The following BICRAL variants were observed in gnomAD, a reference collection of about 807,000 sequenced individuals.
BICRAL encodes BICRA like chromatin remodeling complex associated protein.
In BICRAL, 8 loss-of-function variants were observed where a neutral mutation model predicts 91.8. The observed-to-expected ratio is 0.09, with a 90% CI of 0.05 to 0.16. The LOEUF is 0.16. Ranked by LOEUF, BICRAL falls within the 10% of genes least tolerant of loss-of-function variation. The probability of loss-of-function intolerance (pLI) is 1.00; values close to 1 mark genes in which losing one functional copy is unlikely to be tolerated. For synonymous variants in BICRAL, 445 were observed against 491.1 expected (o/e 0.91, Z 1.24); for missense variants, 1,038 against 1,310.9 (o/e 0.79, Z 3.21).
intron 1 of BICRAL, among the ~76,000 whole-genome samples, chr6:42,754,176 T>C (rs1480075860): frequency 6.8e-6 from 1 of 147,076 alleles, no homozygotes; most frequent in African/African-American, 2.5e-5. Flanking sequence ...TACAGAAACT[T>C]TTTTTTTTTT....
chr6:42,835,274 G>A (rs559696192), intron 6 of BICRAL, among the ~76,000 whole-genome samples: 12 of 151,914 alleles, frequency 7.9e-5, no homozygotes, highest in African/African-American at 2.7e-4. Context: ...GATTACAGGC[G>A]TGCGCCACCA....
In BICRAL at chr6:42,866,582, C is replaced by T. The variant is rs1486459888; in HGVS notation, c.*1136C>T. ...TCTTGTCTGAGAACAGTAGTGACCC[C>T]TGGCAGCAATTCATTACCAAAACAC... On this transcript the variant is annotated 3_prime_UTR_variant, in exon 13 of 13. Coordinates refer to ENST00000314073, the MANE Select transcript of BICRAL (RefSeq NM_001393499.1). 3.1e-6 allele frequency: 1 copy of T among 321,954 alleles called. No homozygotes were observed. Among genetic ancestry groups the T allele is most frequent in the East Asian group, 7.7e-5 (1 of 12,960 alleles). 19.9% of individuals were successfully genotyped at this position (321,954 alleles called of 1,614,324 possible). A position where few individuals can be genotyped will look rare whatever the true frequency, so the allele number is the denominator to read the frequency against.
rs774571075 is a variant in BICRAL at position 42,865,374 on chromosome 6, G to A, written c.3168G>A (p.Pro1056=). 29 of 1,613,250 alleles carry A rather than the reference G, an allele frequency of 1.8e-5. No individual in the cohort carries two copies. The highest frequency in any genetic ancestry group is 7.7e-5 in the South Asian group (7 of 91,072). ...AAAACTGCCTGGAAAAGTTCATCCC[G>A]GACCACAGTGAAGGTGTTGTAGAAA... ...SQENCLEKFI[P]DHSEGVVETD... Residue 1056 remains proline (P), a synonymous_variant, in exon 13 of 13, where the codon CCG becomes CCA. Transcript: ENST00000314073.
chr6:42,782,011 C>CG (rs756640990), upstream of BICRAL: 146,951 of 147,002 alleles, frequency 1, 73,463 homozygotes, highest in Middle Eastern at 1. Context: ...CGCGCTCCGG[C>CG]CCCCGGCCCC....
intron 1 of BICRAL, among the ~76,000 whole-genome samples, chr6:42,771,369 T>C (rs1426441958): frequency 6.6e-6 from 1 of 152,146 alleles, no homozygotes; most frequent in Non-Finnish European, 1.5e-5. Context: ...CTCTGGTTTC[T>C]TTTTGTTTTT....
chr6:42,864,212 C>T (rs550147524), intron 12 of BICRAL, among the ~76,000 whole-genome samples: 63 of 150,436 alleles, frequency 4.2e-4, no homozygotes, highest in African/African-American at 1.0e-3. Context: ...TGGTGGCGGG[C>T]GCCTGTAATC....
chr6:42,826,365 G>A (rs111418577), intron 5 of BICRAL, among the ~76,000 whole-genome samples: 133 of 151,424 alleles, frequency 8.8e-4, no homozygotes, highest in African/African-American at 3.1e-3. Flanking sequence ...CTCCTGAGTA[G>A]CTGGTATTAC....
At position 42,747,296 on chromosome 6, in the gene BICRAL, G is replaced by T. The variant is rs1484998663; in HGVS notation, c.-261+273G>T. 2.0e-5 allele frequency among the ~76,000 whole-genome samples: 3 copies of T among 152,130 alleles called. No individual in the cohort carries two copies. The South Asian group carries it at 6.2e-4, about 32-fold the overall frequency. On this transcript the variant is annotated intron_variant, in intron 1 of 14. Coordinates refer to the BICRAL transcript ENST00000614467. The stretch of plus-strand genomic sequence containing the variant: ...CTCGCATGCTTCGCTCAGATCTGCG[G>T]AGCTCCCGAACCTCTTTAACCCTGC...
chr6:42,781,840 C>T (rs1762918203), upstream of BICRAL: 2 of 148,472 alleles, frequency 1.3e-5, no homozygotes, highest in African/African-American at 4.9e-5. Flanking sequence ...TTTTGCCAGG[C>T]GAGAACCGAA....
At chr6:42,862,105 G>A (rs2114045061) in intron 11 of BICRAL, among the ~76,000 whole-genome samples, 1 of 152,236 alleles carries the variant, frequency 6.6e-6, no homozygotes, top group Non-Finnish European at 1.5e-5. Flanking sequence ...AGGAGGCCAA[G>A]GCGGATGGAT....
At chr6:42,769,096 T>C (rs1762682230) in intron 1 of BICRAL, among the ~76,000 whole-genome samples, 1 of 152,242 alleles carries the variant, frequency 6.6e-6, no homozygotes. Flanking sequence ...GTCACAGTTC[T>C]GTGGGTCAGG....
intron 1 of BICRAL, among the ~76,000 whole-genome samples, chr6:42,773,425 C>T (rs1012391657): frequency 1.3e-5 from 2 of 152,140 alleles, no homozygotes; most frequent in African/African-American, 4.8e-5. Context: ...GCCATGTTGC[C>T]CAGGCTGGTC....
chr6:42,790,764 A>G (rs1222785589), intron 1 of BICRAL, among the ~76,000 whole-genome samples: 1 of 152,116 alleles, frequency 6.6e-6, no homozygotes, highest in East Asian at 1.9e-4. Context: ...AAACGGCATG[A>G]TTTAAGTAGC....
intron 1 of BICRAL, among the ~76,000 whole-genome samples, chr6:42,771,086 G>GATTT (rs1762717253): frequency 6.6e-6 from 1 of 152,158 alleles, no homozygotes; most frequent in African/African-American, 2.4e-5. Flanking sequence ...GCCTGCCCAG[G>GATTT]GCCACCCCAA....
intron 1 of BICRAL, among the ~76,000 whole-genome samples, chr6:42,748,437 G>GT (rs1211575795): frequency 1.2e-4 from 19 of 152,182 alleles, no homozygotes; most frequent in African/African-American, 4.3e-4. Context: ...TATGGGTGTT[G>GT]TAAGTGTTGG....
chr6:42,792,420 A>G (rs948038196), intron 1 of BICRAL, among the ~76,000 whole-genome samples: 1 of 145,342 alleles, frequency 6.9e-6, no homozygotes, highest in Admixed American at 6.9e-5. Context: ...TGCATGTACC[A>G]CCATGCCCAG....
intron 1 of BICRAL, among the ~76,000 whole-genome samples, chr6:42,753,702 C>T (rs1762416936): frequency 6.6e-6 from 1 of 152,140 alleles, no homozygotes; most frequent in Admixed American, 6.5e-5. Flanking sequence ...ACCCCCGCCT[C>T]CTGGGTTCAA....
upstream of BICRAL, among the ~76,000 whole-genome samples, chr6:42,778,972 C>T (rs1762840433): frequency 6.6e-6 from 1 of 151,910 alleles, no homozygotes. Context: ...CGCCTGCCAC[C>T]ACGCCTGGCT....
intron 1 of BICRAL, among the ~76,000 whole-genome samples, chr6:42,790,513 A>C (rs1763240953): frequency 7.8e-6 from 1 of 127,502 alleles, no homozygotes; most frequent in South Asian, 2.7e-4. Flanking sequence ...GTCAAATGGA[A>C]GTATGTAGCA....
Sources: allele counts gnomAD v4.1 joint callset (sites outside exome capture counted in the v4.1 genomes callset), GRCh38; gene constraint gnomAD v4.1.1; transcripts MANE v1.5; gene names NCBI Gene and HGNC (gene_info 2026-07-23, HGNC 2026-07-21).